MAPK10: variants seen among roughly 807,000 people sequenced by gnomAD.
The protein encoded by MAPK10 is mitogen-activated protein kinase 10.
MAPK10 carries 25 observed loss-of-function variants against 59.3 expected under a neutral mutation model. The observed-to-expected ratio is 0.42, with a 90% CI of 0.31 to 0.59. MAPK10 has a LOEUF of 0.59. MAPK10 is among the 20% of genes least tolerant of loss of function. MAPK10 has a pLI of 0.15. For synonymous variants in MAPK10, 190 were observed against 200.5 expected (o/e 0.95, Z 0.44); for missense variants, 351 against 568.9 (o/e 0.62, Z 3.90).
intron 11 of MAPK10, among the ~76,000 whole-genome samples, chr4:86,057,148 G>A (rs1466180206): frequency 2.7e-5 from 4 of 148,698 alleles, no homozygotes; most frequent in South Asian, 4.2e-4. Context: ...GGGTTTTGCC[G>A]TGTTGGCCAG....
rs189436489 is a variant in MAPK10, at chr4:86,047,396, G to T, written c.1111-15965C>A. ...GGAAATACAATGCAAAGACCCTAAA[G>T]GGGGAGCTTGCTTGGTGTGGTAAGG... is the stretch of plus-strand genomic sequence containing the variant. On this transcript the variant is annotated intron_variant, in intron 11 of 13. Coordinates refer to ENST00000641462, the MANE Select transcript of MAPK10 (RefSeq NM_138982.4). 1.2e-4 allele frequency among the ~76,000 whole-genome samples: 19 copies of T among 152,230 alleles called. No individual in the cohort carries two copies. The East Asian group carries it at 3.7e-3, about 29-fold the overall frequency.
intron 2 of MAPK10, among the ~76,000 whole-genome samples, chr4:86,303,399 C>T (rs1374630784): frequency 6.6e-6 from 1 of 151,758 alleles, no homozygotes; most frequent in Non-Finnish European, 1.5e-5. Context: ...AAGTCATGTG[C>T]TATATGCTTG....
At chr4:86,124,974 G>A (rs147910608) in intron 4 of MAPK10, 1 of 151,806 alleles carries the variant, frequency 6.6e-6, no homozygotes, top group South Asian at 2.1e-4. Flanking sequence ...CTAAATGAAG[G>A]GGGGGAAAGC....
chr4:86,125,709 T>C (rs921225536), intron 4 of MAPK10: 69 of 152,268 alleles, frequency 4.5e-4, no homozygotes, highest in African/African-American at 1.6e-3. Context: ...AGATTCTTCT[T>C]ATAAATCTAC....
intron 1 of MAPK10, chr4:86,358,112 T>A (rs949314935): frequency 1.0e-6 from 1 of 985,268 alleles, no homozygotes; most frequent in African/African-American, 1.7e-5. Flanking sequence ...ATCCAAAGCA[T>A]CCAGCCCCTA....
At chr4:86,063,013 G>A (rs533690856) in intron 11 of MAPK10, among the ~76,000 whole-genome samples, 2 of 152,246 alleles carry the variant, frequency 1.3e-5, no homozygotes, top group Admixed American at 1.3e-4. Context: ...CAACATCATT[G>A]TAAAACTAAG....
At chr4:86,236,655 C>T (rs1021234767) in intron 2 of MAPK10, among the ~76,000 whole-genome samples, 1 of 152,116 alleles carries the variant, frequency 6.6e-6, no homozygotes, top group African/African-American at 2.4e-5. Flanking sequence ...AGGCATCAAG[C>T]TATTGTGACG....
chr4:86,580,676 C>T (rs906515037), intron 1 of MAPK10, among the ~76,000 whole-genome samples: 2 of 152,134 alleles, frequency 1.3e-5, no homozygotes, highest in Admixed American at 1.3e-4. Flanking sequence ...TAAATAATCA[C>T]ATTGAAATCA....
intron 2 of MAPK10, among the ~76,000 whole-genome samples, chr4:86,254,628 G>A (rs1468576218): frequency 3.0e-3 from 370 of 125,422 alleles, no homozygotes; most frequent in African/African-American, 5.5e-3. Context: ...GTGTGGTGTG[G>A]TGCTGAAAAA....
At chr4:86,566,832 G>A (rs1366974358) in intron 1 of MAPK10, among the ~76,000 whole-genome samples, 1 of 152,150 alleles carries the variant, frequency 6.6e-6, no homozygotes, top group Non-Finnish European at 1.5e-5. Context: ...CACTTTGGGA[G>A]GTCAAGGCTG....
chr4:86,530,127 G>A (rs1463659800), intron 1 of MAPK10, among the ~76,000 whole-genome samples: 2 of 145,472 alleles, frequency 1.4e-5, no homozygotes, highest in Non-Finnish European at 3.0e-5. Flanking sequence ...CACTTGATCA[G>A]AATCTTCAGG....
At chr4:86,405,334 T>A (rs542001775) in intron 1 of MAPK10, among the ~76,000 whole-genome samples, 1 of 152,258 alleles carries the variant, frequency 6.6e-6, no homozygotes, top group African/African-American at 2.4e-5. Context: ...TAATAATGAG[T>A]GCTGTGTAAC....
At chr4:86,426,174 T>C (rs1410022874) in intron 1 of MAPK10, among the ~76,000 whole-genome samples, 2 of 152,236 alleles carry the variant, frequency 1.3e-5, no homozygotes, top group Non-Finnish European at 1.5e-5. Context: ...TATATTACTG[T>C]GAAGTATGCA....
chr4:86,065,744 T>A (rs2046616966), intron 10 of MAPK10: 1 of 152,226 alleles, frequency 6.6e-6, no homozygotes, highest in Non-Finnish European at 1.5e-5. Context: ...GTTACTCAAC[T>A]GATCTGAAAG....
At chr4:86,417,522 A>C (rs1746005330) in intron 1 of MAPK10, among the ~76,000 whole-genome samples, 1 of 152,210 alleles carries the variant, frequency 6.6e-6, no homozygotes, top group South Asian at 2.1e-4. Context: ...CTATAGTCCA[A>C]GGTCTAGTTA....
intron 9 of MAPK10, among the ~76,000 whole-genome samples, chr4:86,087,015 C>G (rs568343994): frequency 2.6e-5 from 4 of 152,204 alleles, no homozygotes; most frequent in East Asian, 3.9e-4. Context: ...GACTTCATAT[C>G]CAAATATCAA....
intron 1 of MAPK10, among the ~76,000 whole-genome samples, chr4:86,378,411 G>C (rs113795054): frequency 6.6e-6 from 1 of 152,058 alleles, no homozygotes; most frequent in Non-Finnish European, 1.5e-5. Context: ...AGGACTTTTT[G>C]ACAAGCCTGT....
intron 2 of MAPK10, among the ~76,000 whole-genome samples, chr4:86,227,280 G>T (rs2090788196): frequency 6.6e-6 from 1 of 152,088 alleles, no homozygotes; most frequent in South Asian, 2.1e-4. Context: ...GAGGTCAGGA[G>T]ATCGAGACCA....
chr4:86,125,909 G>T (rs2060001696), intron 4 of MAPK10: 1 of 152,198 alleles, frequency 6.6e-6, no homozygotes, highest in Admixed American at 6.5e-5. Context: ...CATTAAGATG[G>T]CTCCTTTGGC....
Sources: allele counts gnomAD v4.1 joint callset (sites outside exome capture counted in the v4.1 genomes callset), GRCh38; gene constraint gnomAD v4.1.1; transcripts MANE v1.5; gene names NCBI Gene and HGNC (gene_info 2026-07-23, HGNC 2026-07-21).